The following MYO5B variants were observed in gnomAD, a reference collection of about 807,000 sequenced individuals.
MYO5B encodes unconventional myosin-Vb.
A neutral mutation model predicts 229.3 loss-of-function variants in MYO5B; 143 were observed. The observed-to-expected ratio is 0.62, with a 90% CI of 0.54 to 0.72. The LOEUF (loss-of-function observed/expected upper bound fraction) is 0.72. Among genes scored for constraint, MYO5B ranks in the 30% least tolerant of loss-of-function variants. The pLI, the probability that MYO5B is intolerant of heterozygous loss-of-function variation, is 0.00. For synonymous variants in MYO5B, 918 were observed against 885.2 expected (o/e 1.04, Z -0.66); for missense variants, 2,321 against 2,331.0 (o/e 1.00, Z 0.09).
chr18:49,825,992 C>T lies in MYO5B; in HGVS notation c.*479G>A, dbSNP rs1397796177. ...TAAAACATCTCACCACAAACTCAAC[C>T]ACACCTATGGTTTGCAAACTTTGGG... On this transcript the variant is annotated 3_prime_UTR_variant, in exon 40 of 40. Transcript: ENST00000285039. The T allele has an allele frequency of 5.9e-6, 1 of 168,646 alleles. No individual in the cohort carries two copies. Among genetic ancestry groups the T allele is most frequent in the Non-Finnish European group, 1.3e-5 (1 of 76,910 alleles). 10.4% of individuals were successfully genotyped at this position (168,646 alleles called of 1,614,324 possible).
intron 2 of MYO5B, among the ~76,000 whole-genome samples, chr18:50,049,950 G>C (rs1452751644): frequency 6.6e-6 from 1 of 152,160 alleles, no homozygotes; most frequent in Non-Finnish European, 1.5e-5. Flanking sequence ...CTTAAACATA[G>C]TGAAAATGTT....
intron 1 of MYO5B, among the ~76,000 whole-genome samples, chr18:50,059,589 C>T (rs998684207): frequency 6.6e-6 from 1 of 152,152 alleles, no homozygotes; most frequent in Non-Finnish European, 1.5e-5. Flanking sequence ...CAGTCAATCT[C>T]CACAATAAAG....
chr18:50,012,788 A>G (rs1053467133), intron 4 of MYO5B, among the ~76,000 whole-genome samples: 1 of 152,238 alleles, frequency 6.6e-6, no homozygotes, highest in African/African-American at 2.4e-5. Flanking sequence ...GTTTGTTGAA[A>G]GCCATGCTGT....
At chr18:50,006,084 G>A (rs1166148608) in intron 4 of MYO5B, among the ~76,000 whole-genome samples, 1 of 152,166 alleles carries the variant, frequency 6.6e-6, no homozygotes, top group African/African-American at 2.4e-5. Context: ...CATCTCTAAA[G>A]TAAAAGGCTG....
chr18:50,149,052 A>G (rs1400130724), intron 1 of MYO5B, among the ~76,000 whole-genome samples: 2 of 151,960 alleles, frequency 1.3e-5, no homozygotes, highest in African/African-American at 2.4e-5. Context: ...AGACAAACAG[A>G]GAGCCAAATC....
intron 4 of MYO5B, among the ~76,000 whole-genome samples, chr18:50,033,866 C>T (rs762359028): frequency 6.6e-6 from 1 of 151,846 alleles, no homozygotes; most frequent in Non-Finnish European, 1.5e-5. Flanking sequence ...TTACGGCTAT[C>T]TCCTCTAACT....
chr18:49,914,678 G>C (rs1176369044), intron 17 of MYO5B, among the ~76,000 whole-genome samples: 2 of 151,658 alleles, frequency 1.3e-5, no homozygotes, highest in South Asian at 2.1e-4. Context: ...TACTCAGGAG[G>C]CTGAGGCAGG....
At chr18:50,008,542 T>C (rs940548290) in intron 4 of MYO5B, among the ~76,000 whole-genome samples, 6 of 152,202 alleles carry the variant, frequency 3.9e-5, no homozygotes, top group African/African-American at 1.4e-4. Context: ...GGGACTGACT[T>C]GTGTGTGTGG....
rs549180960 is a variant in MYO5B at position 50,063,706 on chromosome 18, C to T, written c.28-8328G>A. 2.0e-5 allele frequency: 3 copies of T among 152,332 alleles called. No homozygotes were observed. The South Asian group carries it at 6.2e-4, about 32-fold the overall frequency. 9.4% of individuals were successfully genotyped at this position (152,332 alleles called of 1,614,324 possible). A position where few individuals can be genotyped will look rare whatever the true frequency, so the allele number is the denominator to read the frequency against. ...AGTCAATTATAACCAAAAGGCAAAT[C>T]CACATGCTATGGTATCGTATGTATC... is the stretch of plus-strand genomic sequence containing the variant. On this transcript the variant is annotated intron_variant, in intron 1 of 39. Coordinates refer to ENST00000285039, the MANE Select transcript of MYO5B (RefSeq NM_001080467.3).
intron 4 of MYO5B, among the ~76,000 whole-genome samples, chr18:50,033,247 A>G (rs1315143247): frequency 6.6e-6 from 1 of 152,042 alleles, no homozygotes; most frequent in African/African-American, 2.4e-5. Flanking sequence ...ATGCCTTTTG[A>G]CGCCCCACTT....
At chr18:50,185,561 A>C (rs1324883514) in intron 1 of MYO5B, among the ~76,000 whole-genome samples, 1 of 152,254 alleles carries the variant, frequency 6.6e-6, no homozygotes, top group Non-Finnish European at 1.5e-5. Flanking sequence ...AAGAAATGAT[A>C]AATGTTTGAG....
chr18:49,928,214 A>G (rs1438080442), intron 17 of MYO5B, among the ~76,000 whole-genome samples: 2 of 151,812 alleles, frequency 1.3e-5, no homozygotes, highest in Non-Finnish European at 2.9e-5. Flanking sequence ...AAGAATGGCC[A>G]TAACTGAAAA....
chr18:49,940,803 T>C (rs2025305218), intron 14 of MYO5B, among the ~76,000 whole-genome samples: 1 of 152,230 alleles, frequency 6.6e-6, no homozygotes, highest in Admixed American at 6.5e-5. Flanking sequence ...CACAGTGGAT[T>C]AGAATGAGTG....
At chr18:50,092,161 T>C (rs1314032774) in intron 1 of MYO5B, among the ~76,000 whole-genome samples, 1 of 152,108 alleles carries the variant, frequency 6.6e-6, no homozygotes, top group East Asian at 1.9e-4. Flanking sequence ...AGAATCCAAA[T>C]GAATAACTGC....
intron 16 of MYO5B, among the ~76,000 whole-genome samples, chr18:49,932,728 C>T (rs1434784498): frequency 1.3e-5 from 2 of 152,170 alleles, no homozygotes; most frequent in Non-Finnish European, 2.9e-5. Context: ...CTAAGAGACA[C>T]TATACAAAGA....
At chr18:50,106,069 TC>T (rs1194889039) in intron 1 of MYO5B, among the ~76,000 whole-genome samples, 1 of 152,082 alleles carries the variant, frequency 6.6e-6, no homozygotes, top group Non-Finnish European at 1.5e-5. Context: ...CTCCGCCTGC[TC>T]CCTTCCCTGC....
intron 1 of MYO5B, among the ~76,000 whole-genome samples, chr18:50,066,843 T>G (rs1313020029): frequency 1.3e-5 from 2 of 152,226 alleles, no homozygotes; most frequent in African/African-American, 4.8e-5. Flanking sequence ...CGAATCATTC[T>G]CTGGAGAGCT....
chr18:50,144,180 T>C (rs1419141128), intron 1 of MYO5B, among the ~76,000 whole-genome samples: 1 of 152,042 alleles, frequency 6.6e-6, no homozygotes, highest in Non-Finnish European at 1.5e-5. Context: ...AACAATCCCT[T>C]TAAGTAGAAA....
At chr18:50,112,371 A>G (rs2031880241) in intron 1 of MYO5B, among the ~76,000 whole-genome samples, 1 of 152,124 alleles carries the variant, frequency 6.6e-6, no homozygotes, top group Non-Finnish European at 1.5e-5. Context: ...GTACCCAACA[A>G]TACTGGCCCA....
Sources: gnomAD v4.1 joint callset for allele counts (sites outside exome capture counted in the v4.1 genomes callset) on GRCh38, gnomAD v4.1.1 for gene constraint, MANE v1.5 for transcripts, NCBI Gene and HGNC (gene_info 2026-07-23, HGNC 2026-07-21) for gene names.